Variants in BCAR3 observed in about 807,000 individuals in gnomAD.
BCAR3 encodes the protein BCAR3 adaptor protein, NSP family member, also known as breast cancer anti-estrogen resistance protein 3.
Under a neutral mutation model 80.1 loss-of-function variants are expected in BCAR3, and 37 were observed. The ratio of observed to expected loss-of-function variants is 0.46; its 90% CI spans 0.36 to 0.61. The LOEUF (loss-of-function observed/expected upper bound fraction) is 0.61, where lower values mean the gene tolerates loss of function less well. Among genes scored for constraint, BCAR3 ranks in the 20% least tolerant of loss-of-function variants. The pLI, the probability that BCAR3 is intolerant of heterozygous loss-of-function variation, is 0.00. For synonymous variants in BCAR3, 389 were observed against 418.9 expected (o/e 0.93, Z 0.87); for missense variants, 978 against 1,068.2 (o/e 0.92, Z 1.18).
At chr1:93,651,789 C>A (rs898440433) in intron 2 of BCAR3, among the ~76,000 whole-genome samples, 1 of 152,140 alleles carries the variant, frequency 6.6e-6, no homozygotes, top group African/African-American at 2.4e-5. Flanking sequence ...TTACCCCTAC[C>A]CTACACTCCC....
intron 3 of BCAR3, among the ~76,000 whole-genome samples, chr1:93,595,998 G>C (rs944711517): frequency 6.6e-6 from 1 of 152,228 alleles, no homozygotes; most frequent in Non-Finnish European, 1.5e-5. Flanking sequence ...GCATAGGCTA[G>C]TTTTTGCAAC....
chr1:93,571,778 G>C lies in BCAR3; in HGVS notation c.1866C>G (p.Asp622Glu). 6.2e-7 allele frequency: 1 copy of C among 1,614,126 alleles called. No individual in the cohort carries two copies. The highest frequency in any genetic ancestry group is 1.1e-5 in the South Asian group (1 of 91,072). Residue 622 changes from aspartate to glutamate, a missense_variant, in exon 9 of 12, where the codon GAC becomes GAG. Physicochemically the swap from Asp to Glu is conservative, Grantham distance 45. Transcript: ENST00000260502. ...TGATCTTACTCAGAGTGGCCGCTCGGTCCTCCAAAGTGCCCGTGCATCCCA... is the reference window on the plus strand; with the variant it reads ...TGATCTTACTCAGAGTGGCCGCTCGCTCCTCCAAAGTGCCCGTGCATCCCA... ...DILGCTGTLE[D>E]RAATLSKIIQ...
At chr1:93,698,403 G>C (rs949988565) in intron 3 of BCAR3, among the ~76,000 whole-genome samples, 9 of 152,226 alleles carry the variant, frequency 5.9e-5, no homozygotes, top group Admixed American at 2.0e-4. Flanking sequence ...CCCAGGATCT[G>C]GTGATAGATG....
upstream of BCAR3, among the ~76,000 whole-genome samples, chr1:93,685,407 C>T (rs748873583): frequency 6.6e-6 from 1 of 151,980 alleles, no homozygotes; most frequent in Non-Finnish European, 1.5e-5. Flanking sequence ...CCCCTCCCTA[C>T]ACAAAAAGTA....
chr1:93,684,718 C>G (rs1648912349), upstream of BCAR3, among the ~76,000 whole-genome samples: 7 of 134,064 alleles, frequency 5.2e-5, no homozygotes, highest in South Asian at 1.5e-3. Context: ...GAATTTGAAT[C>G]AGGTGTTTTT....
intron 2 of BCAR3, among the ~76,000 whole-genome samples, chr1:93,787,988 G>T (rs1275635940): frequency 1.3e-5 from 2 of 152,088 alleles, no homozygotes; most frequent in African/African-American, 2.4e-5. Context: ...ATAAATTTGG[G>T]AGCTCCAGTG....
intron 2 of BCAR3, among the ~76,000 whole-genome samples, chr1:93,719,788 C>T (rs4847183): frequency 0.46 from 70,394 of 152,010 alleles, 16,634 homozygotes; most frequent in Non-Finnish European, 0.51. Flanking sequence ...TTCATGTTTA[C>T]GGCAATTCTG....
At chr1:93,746,045 G>A (rs1047793566) in intron 2 of BCAR3, among the ~76,000 whole-genome samples, 1 of 152,186 alleles carries the variant, frequency 6.6e-6, no homozygotes, top group African/African-American at 2.4e-5. Flanking sequence ...GATGATAGAA[G>A]GCTGCAACTT....
intron 8 of BCAR3, among the ~76,000 whole-genome samples, chr1:93,572,204 C>T (rs1490249331): frequency 1.3e-5 from 2 of 152,192 alleles, no homozygotes; most frequent in Non-Finnish European, 2.9e-5. Flanking sequence ...GACAGCAGGT[C>T]CCCCAAAACG....
intron 3 of BCAR3, among the ~76,000 whole-genome samples, chr1:93,625,922 A>G (rs1675443961): frequency 6.6e-6 from 1 of 151,864 alleles, no homozygotes; most frequent in Non-Finnish European, 1.5e-5. Context: ...TCCCTGCAAC[A>G]AATTTCTCCC....
At chr1:93,583,033 C>A in intron 6 of BCAR3, 80 bp from the exon 7 acceptor site, 2 of 1,440,986 alleles carry the variant, frequency 1.4e-6, no homozygotes, top group Non-Finnish European at 1.8e-6. Flanking sequence ...TGGCAGCTCC[C>A]CAGCCCTCCA....
intron 2 of BCAR3, among the ~76,000 whole-genome samples, chr1:93,762,147 A>C (rs778664436): frequency 2.0e-5 from 3 of 152,178 alleles, no homozygotes; most frequent in African/African-American, 7.2e-5. Flanking sequence ...CTCTCTCTCC[A>C]TAGGGGCTGA....
At chr1:93,672,796 T>C (rs2101944526) in intron 2 of BCAR3, among the ~76,000 whole-genome samples, 1 of 152,304 alleles carries the variant, frequency 6.6e-6, no homozygotes, top group East Asian at 1.9e-4. Context: ...AGTTCAGGGC[T>C]CTCTAGTGGT....
chr1:93,840,621 C>A (rs1221664180), intron 2 of BCAR3, among the ~76,000 whole-genome samples: 1 of 152,158 alleles, frequency 6.6e-6, no homozygotes, highest in Non-Finnish European at 1.5e-5. Context: ...AAATTTAAGA[C>A]CTACTCCCCC....
chr1:93,599,263 C>G (rs1412855965), intron 3 of BCAR3: 1 of 152,298 alleles, frequency 6.6e-6, no homozygotes, highest in Non-Finnish European at 1.5e-5. Context: ...CCAGGTGGAA[C>G]AAAGTGCTGA....
rs1648768594 is a variant in BCAR3, at chr1:93,681,616, G to C, written c.-30C>G. Reference sequence around the variant, plus strand: ...GACTCACCTCCCGGCGCGGCGCTGGGCGCTCGGGCTCTCAGGATCTCTGGA... The same window carrying C: ...GACTCACCTCCCGGCGCGGCGCTGGCCGCTCGGGCTCTCAGGATCTCTGGA... On this transcript the variant is annotated 5_prime_UTR_variant, in exon 1 of 12. Coordinates refer to ENST00000260502, the MANE Select transcript of BCAR3 (RefSeq NM_003567.4). 6.6e-6 allele frequency: 1 copy of C among 151,792 alleles called. No individual in the cohort carries two copies. The highest frequency in any genetic ancestry group is 1.5e-5 in the Non-Finnish European group (1 of 67,978). The allele number at this position is 151,792 out of a possible 1,614,324, so 9.4% of individuals were successfully genotyped here.
chr1:93,656,628 G>C (rs1055869279), intron 2 of BCAR3, among the ~76,000 whole-genome samples: 9 of 138,058 alleles, frequency 6.5e-5, no homozygotes, highest in African/African-American at 2.5e-4. Flanking sequence ...TTTTTTTTGA[G>C]ACTATCTCAC....
In BCAR3 at chr1:93,674,756, G is replaced by A. The variant is rs753125244; in HGVS notation, c.175C>T (p.Pro59Ser). 9 of 1,613,170 alleles carry A rather than the reference G, an allele frequency of 5.6e-6. No individual in the cohort carries two copies. Among genetic ancestry groups the A allele is most frequent in the African/African-American group, 1.3e-5 (1 of 74,828 alleles). Residue 59 changes from proline to serine, a missense_variant, in exon 2 of 12, where the codon CCT (proline) becomes TCT (serine). Pro to Ser is a moderately conservative substitution (Grantham distance 74). Coordinates refer to ENST00000260502, the MANE Select transcript of BCAR3 (RefSeq NM_003567.4). ...GTLPRKKKGP[P>S]PIRSCDDFSH... ...AAGTCATCACAGGACCTTATGGGAG[G>A]AGGACCTTTTTTCTTCCGTGGAAGG... is the stretch of plus-strand genomic sequence containing the variant.
chr1:93,697,220 A>G (rs1266690593), intron 3 of BCAR3, among the ~76,000 whole-genome samples: 1 of 152,250 alleles, frequency 6.6e-6, no homozygotes, highest in Non-Finnish European at 1.5e-5. Flanking sequence ...ATGTGAGTTT[A>G]AAAGGGGGAG....
Sources: gnomAD v4.1 joint callset for allele counts (sites outside exome capture counted in the v4.1 genomes callset) on GRCh38, gnomAD v4.1.1 for gene constraint, MANE v1.5 for transcripts, NCBI Gene and HGNC (gene_info 2026-07-23, HGNC 2026-07-21) for gene names.